Variants in VEZT observed in about 807,000 individuals in gnomAD.
VEZT encodes the protein vezatin, adherens junctions transmembrane protein.
A neutral mutation model predicts 79.9 loss-of-function variants in VEZT; 39 were observed. That is an observed-to-expected ratio of 0.49 (90% confidence interval 0.38 to 0.64). VEZT has a LOEUF of 0.64. VEZT is among the 30% of genes least tolerant of loss of function. The pLI is 0.00. For synonymous variants in VEZT, 325 were observed against 327.6 expected (o/e 0.99, Z 0.09); for missense variants, 837 against 893.1 (o/e 0.94, Z 0.80).
chr12:95,292,105 C>A (rs2073003775), intron 9 of VEZT, among the ~76,000 whole-genome samples: 1 of 152,094 alleles, frequency 6.6e-6, no homozygotes, highest in African/African-American at 2.4e-5. Context: ...CGGCCTCTTG[C>A]TAGATTTTTG....
At chr12:95,244,014 G>A (rs557051587) in intron 1 of VEZT, 2 of 455,822 alleles carry the variant, frequency 4.4e-6, no homozygotes, top group Admixed American at 2.4e-5. Context: ...AGCTAAGTAA[G>A]CTTCTTTCTT....
At position 95,266,442 on chromosome 12, in the gene VEZT, G is replaced by A; in HGVS notation, c.520G>A (p.Val174Met). 1.2e-6 allele frequency: 2 copies of A among 1,613,816 alleles called. No homozygotes were observed. The highest frequency in any genetic ancestry group is 1.7e-6 in the Non-Finnish European group (2 of 1,179,864). The change falls in exon 5 of 12, where the codon GTG (valine) becomes ATG (methionine). Residue 174 changes from valine (V) to methionine (M), a missense_variant. Physicochemically the swap from Val to Met is conservative, Grantham distance 21. Coordinates refer to ENST00000436874, the MANE Select transcript of VEZT (RefSeq NM_017599.4). The part of the protein sequence containing the change: ...WIVSSWLVWG[V>M]ILFVYLVIRA... Reference sequence around the variant, plus strand: ...TGTGTCTTCCTGGCTGGTATGGGGAGTGATTCTATTTGTGTATCTGGTCAT... The same window carrying A: ...TGTGTCTTCCTGGCTGGTATGGGGAATGATTCTATTTGTGTATCTGGTCAT...
rs1484361920 is a variant in VEZT at position 95,282,473 on chromosome 12, C to T, written c.1157C>T (p.Ser386Phe). 6 of 1,613,952 alleles carry T rather than the reference C, an allele frequency of 3.7e-6. No homozygotes were observed. Among genetic ancestry groups the T allele is most frequent in the Middle Eastern group, 1.6e-4 (1 of 6,062 alleles). The change falls in exon 8 of 12, where the codon TCT becomes TTT. Residue 386 changes from serine (S) to phenylalanine (F), a missense_variant. Transcript: ENST00000436874. ...DVTQGLPHAH[S>F]ACLEELKRSY... Reference sequence around the variant, plus strand: ...ACTCAAGGTCTACCTCATGCTCATTCTGCCTGTTTGGAAGAGCTTAAGCGC... The same window carrying T: ...ACTCAAGGTCTACCTCATGCTCATTTTGCCTGTTTGGAAGAGCTTAAGCGC...
At position 95,300,465 on chromosome 12, in the gene VEZT, C is replaced by A. The variant is rs1337197364; in HGVS notation, c.2132C>A (p.Pro711His). ...GATGGAAGTGGTCTGACCACTGCCC[C>A]TCCAACTCCCAGGGACTCATTACAG... ...QADGSGLTTAPPTPRDSLQPS... is the reference protein window; with the variant it reads ...QADGSGLTTAHPTPRDSLQPS... Residue 711 changes from proline (P) to histidine (H), a missense_variant, in exon 12 of 12, where the codon CCT becomes CAT. Pro to His is a moderately conservative substitution (Grantham distance 77). Coordinates refer to ENST00000436874, the MANE Select transcript of VEZT (RefSeq NM_017599.4). 6.2e-7 allele frequency: 1 copy of A among 1,613,958 alleles called. No homozygotes were observed. The highest frequency in any genetic ancestry group is 1.1e-5 in the South Asian group (1 of 91,082).
At chr12:95,223,910 G>A (rs1269705757) in intron 1 of VEZT, among the ~76,000 whole-genome samples, 1 of 151,912 alleles carries the variant, frequency 6.6e-6, no homozygotes, top group Non-Finnish European at 1.5e-5. Flanking sequence ...AGCTTCTTGA[G>A]TTAAAAACCT....
At chr12:95,245,157 C>A (rs1024950481) in intron 1 of VEZT, among the ~76,000 whole-genome samples, 3 of 152,160 alleles carry the variant, frequency 2.0e-5, no homozygotes, top group Admixed American at 6.5e-5. Context: ...TCACTTGAAC[C>A]CGGGAGGTGG....
rs773771104 is a variant in VEZT, at chr12:95,252,007, C to T, written c.104C>T (p.Ser35Leu). 1.2e-6 allele frequency: 2 copies of T among 1,612,280 alleles called. No individual in the cohort carries two copies. The highest frequency in any genetic ancestry group is 8.5e-7 in the Non-Finnish European group (1 of 1,179,126). Reference protein sequence around the residue: ...HTDFEICSSLSPKTEKCTTEG... With the variant: ...HTDFEICSSLLPKTEKCTTEG... ...GACTTTGAAATATGTTCTTCTTTGT[C>T]ACCAAAAACAGAAAAATGCACAACA... The change falls in exon 2 of 12, where the codon TCA becomes TTA. Residue 35 changes from serine (S) to leucine (L), a missense_variant. Ser to Leu is a moderately radical substitution (Grantham distance 145, BLOSUM62 -2). Transcript: ENST00000436874.
intron 1 of VEZT, chr12:95,244,041 T>C (rs2061399615): frequency 2.2e-6 from 1 of 453,578 alleles, no homozygotes; most frequent in African/African-American, 2.0e-5. Flanking sequence ...ATATGCAGTG[T>C]CAAGTATTCT....
At chr12:95,253,744 G>A (rs1350198926) in intron 2 of VEZT, among the ~76,000 whole-genome samples, 2 of 152,162 alleles carry the variant, frequency 1.3e-5, no homozygotes, top group Non-Finnish European at 2.9e-5. Flanking sequence ...TCAAGTGAGA[G>A]TTTAAAATTG....
chr12:95,266,323 G>T, intron 4 of VEZT, 34 bp from the exon 5 acceptor site: 1 of 1,584,764 alleles, frequency 6.3e-7, no homozygotes, highest in Non-Finnish European at 8.6e-7. Flanking sequence ...TCTCTAATCT[G>T]ATGCATATCA....
chr12:95,270,277 G>A, intron 6 of VEZT, 89 bp downstream of exon 6: 1 of 1,340,376 alleles, frequency 7.5e-7, no homozygotes, highest in Non-Finnish European at 1.0e-6. Context: ...AAAGTTTACT[G>A]TAAAGTGAGA....
chr12:95,297,153 C>A (rs1046444322), intron 11 of VEZT, among the ~76,000 whole-genome samples: 1 of 152,156 alleles, frequency 6.6e-6, no homozygotes, highest in South Asian at 2.1e-4. Context: ...TGTTTCTCAC[C>A]CTTCTTTTCT....
At chr12:95,258,955 C>T (rs1382799476) in intron 3 of VEZT, among the ~76,000 whole-genome samples, 1 of 152,106 alleles carries the variant, frequency 6.6e-6, no homozygotes, top group Non-Finnish European at 1.5e-5. Flanking sequence ...AAAGGAATTC[C>T]TAAGTACTTT....
At chr12:95,228,090 T>A (rs986944131) in intron 1 of VEZT, among the ~76,000 whole-genome samples, 2 of 152,368 alleles carry the variant, frequency 1.3e-5, no homozygotes, top group Middle Eastern at 3.4e-3. Context: ...TTTGTCATGA[T>A]TTCTTTTTCT....
chr12:95,270,318 A>G, intron 6 of VEZT, 130 bp downstream of exon 6: 1 of 951,272 alleles, frequency 1.1e-6, no homozygotes, highest in Admixed American at 3.3e-5. Context: ...TTCCATCATC[A>G]ATTCTATGTT....
intron 9 of VEZT, among the ~76,000 whole-genome samples, chr12:95,288,989 G>A (rs1211267056): frequency 1.8e-4 from 27 of 151,720 alleles, no homozygotes; most frequent in Admixed American, 1.8e-3. Context: ...TGAGGCAGGA[G>A]GATTGCTTAA....
Position 95,301,722 on chromosome 12 carries a change from C to T in VEZT, c.*1049C>T, listed in dbSNP as rs2075231598. The T allele has an allele frequency of 6.6e-6, 1 of 152,146 alleles. No homozygotes were observed. The highest frequency in any genetic ancestry group is 2.4e-5 in the African/African-American group (1 of 41,432). The allele number at this position is 152,146 out of a possible 1,614,324, so 9.4% of individuals were successfully genotyped here. A position where few individuals can be genotyped will look rare whatever the true frequency, so the allele number is the denominator to read the frequency against. ...CTATGCAATAACATAGTTCTATAGACATTATTTGGGGGAAATGTAGTAATA... is the reference window on the plus strand; with the variant it reads ...CTATGCAATAACATAGTTCTATAGATATTATTTGGGGGAAATGTAGTAATA... On this transcript the variant is annotated 3_prime_UTR_variant, in exon 12 of 12. Transcript: ENST00000436874.
intron 9 of VEZT, among the ~76,000 whole-genome samples, chr12:95,292,302 C>T (rs769573123): frequency 6.6e-5 from 10 of 152,242 alleles, no homozygotes; most frequent in Middle Eastern, 3.4e-3. Context: ...ATTGCCAGCA[C>T]ACTGTTTAAT....
Position 95,296,038 on chromosome 12 carries a change from T to C in VEZT, c.1624-13T>C, listed in dbSNP as rs1473672227. The C allele has an allele frequency of 3.9e-6, 6 of 1,519,186 alleles. No homozygotes were observed. Among genetic ancestry groups the C allele is most frequent in the Non-Finnish European group, 5.3e-6 (6 of 1,130,458 alleles). 94.1% of individuals were successfully genotyped at this position (1,519,186 alleles called of 1,614,324 possible). A position where few individuals can be genotyped will look rare whatever the true frequency, so the allele number is the denominator to read the frequency against. The stretch of plus-strand genomic sequence containing the variant: ...GCTTCAAGTAAAGTGCTTTTTCTTC[T>C]ATTCATTTTCAGGAATTAGAAGCTT... On this transcript the variant is annotated splice_polypyrimidine_tract_variant and intron_variant, in intron 10 of 11. Transcript: ENST00000436874.
Sources: gnomAD v4.1 joint callset for allele counts (sites outside exome capture counted in the v4.1 genomes callset) on GRCh38, gnomAD v4.1.1 for gene constraint, MANE v1.5 for transcripts, NCBI Gene and HGNC (gene_info 2026-07-23, HGNC 2026-07-21) for gene names.